EDIL3: variants seen among roughly 807,000 people sequenced by gnomAD.
EDIL3 encodes the protein EGF-like repeat and discoidin I-like domain-containing protein 3.
EDIL3 carries 37 observed loss-of-function variants against 67.4 expected under a neutral mutation model. The ratio of observed to expected loss-of-function variants is 0.55; its 90% CI spans 0.42 to 0.72. EDIL3 has a LOEUF of 0.72. Among genes scored for constraint, EDIL3 ranks in the 30% least tolerant of loss-of-function variants. EDIL3 has a pLI of 0.00. For synonymous variants in EDIL3, 195 were observed against 196.3 expected (o/e 0.99, Z 0.05); for missense variants, 527 against 586.3 (o/e 0.90, Z 1.04).
chr5:84,231,123 A>T (rs1403791399), intron 2 of EDIL3, among the ~76,000 whole-genome samples: 1 of 152,188 alleles, frequency 6.6e-6, no homozygotes, highest in Non-Finnish European at 1.5e-5. Context: ...ATATCAATGT[A>T]AGATAACATT....
chr5:84,153,617 C>T (rs1748438425), intron 4 of EDIL3, among the ~76,000 whole-genome samples: 1 of 152,078 alleles, frequency 6.6e-6, no homozygotes, highest in Non-Finnish European at 1.5e-5. Flanking sequence ...CATCTGCCAC[C>T]ATGCCCAGCT....
intron 9 of EDIL3, among the ~76,000 whole-genome samples, chr5:83,986,578 T>C (rs1426775243): frequency 6.6e-6 from 1 of 152,166 alleles, no homozygotes; most frequent in East Asian, 1.9e-4. Flanking sequence ...TTATTGAGTG[T>C]CTACTCTGTG....
chr5:84,178,903 T>G (rs1025512905), intron 4 of EDIL3, among the ~76,000 whole-genome samples: 1 of 152,226 alleles, frequency 6.6e-6, no homozygotes, highest in African/African-American at 2.4e-5. Context: ...GAAAGATTTC[T>G]TTGTGCTTTG....
intron 3 of EDIL3, among the ~76,000 whole-genome samples, chr5:84,201,575 T>C (rs1743838004): frequency 1.3e-5 from 2 of 152,072 alleles, no homozygotes; most frequent in Non-Finnish European, 2.9e-5. Context: ...CTGCTTTGTC[T>C]TACCCAGTAT....
intron 5 of EDIL3, among the ~76,000 whole-genome samples, chr5:84,126,668 T>C (rs1716187855): frequency 6.6e-6 from 1 of 152,132 alleles, no homozygotes; most frequent in Non-Finnish European, 1.5e-5. Context: ...CCTATATTTG[T>C]AGTTGATGAA....
At chr5:83,986,119 CT>C (rs1745053944) in intron 9 of EDIL3, among the ~76,000 whole-genome samples, 1 of 152,010 alleles carries the variant, frequency 6.6e-6, no homozygotes, top group African/African-American at 2.4e-5. Flanking sequence ...TTCAGCACCA[CT>C]TTTTTTAATC....
At chr5:84,355,927 G>A (rs1185443782) in intron 1 of EDIL3, among the ~76,000 whole-genome samples, 1 of 152,200 alleles carries the variant, frequency 6.6e-6, no homozygotes, top group Non-Finnish European at 1.5e-5. Flanking sequence ...GGAGATGGGA[G>A]TTTTAATTAT....
chr5:84,252,395 G>C (rs752056476), intron 2 of EDIL3, among the ~76,000 whole-genome samples: 7 of 149,952 alleles, frequency 4.7e-5, no homozygotes, highest in Non-Finnish European at 1.0e-4. Context: ...TCCGGAGGCT[G>C]AGGCAGGAGA....
chr5:84,064,133 G>C (rs1304807334), intron 8 of EDIL3, among the ~76,000 whole-genome samples: 1 of 152,034 alleles, frequency 6.6e-6, no homozygotes, highest in African/African-American at 2.4e-5. Flanking sequence ...CAATAAACAG[G>C]TTGCTAGCTA....
At chr5:84,102,275 C>A (rs2112278740) in intron 6 of EDIL3, among the ~76,000 whole-genome samples, 1 of 152,178 alleles carries the variant, frequency 6.6e-6, no homozygotes, top group Non-Finnish European at 1.5e-5. Context: ...GATGCCCTTT[C>A]TCATCACTCC....
chr5:84,057,505 T>C (rs1746470739), intron 9 of EDIL3, among the ~76,000 whole-genome samples: 1 of 152,076 alleles, frequency 6.6e-6, no homozygotes, highest in Admixed American at 6.6e-5. Flanking sequence ...TTTTAGAATA[T>C]ACAGCAATGA....
intron 6 of EDIL3, among the ~76,000 whole-genome samples, chr5:84,086,690 G>A (rs936305898): frequency 1.3e-5 from 2 of 152,060 alleles, no homozygotes; most frequent in Non-Finnish European, 2.9e-5. Flanking sequence ...GAATCTAGTC[G>A]TGAACATGGT....
intron 1 of EDIL3, among the ~76,000 whole-genome samples, chr5:84,273,617 A>G (rs1357523397): frequency 1.3e-5 from 2 of 152,228 alleles, no homozygotes; most frequent in East Asian, 3.8e-4. Context: ...GAATAGTGAG[A>G]AACACAGCAT....
At chr5:84,356,355 T>C (rs1022576896) in intron 1 of EDIL3, among the ~76,000 whole-genome samples, 1 of 152,202 alleles carries the variant, frequency 6.6e-6, no homozygotes, top group African/African-American at 2.4e-5. Flanking sequence ...ATTATCTAAG[T>C]GGGGAACATG....
intron 9 of EDIL3, among the ~76,000 whole-genome samples, chr5:84,018,237 G>A (rs1745644227): frequency 6.6e-6 from 1 of 152,096 alleles, no homozygotes; most frequent in Admixed American, 6.6e-5. Context: ...ACTACATCTA[G>A]GTGTGATTCT....
Position 83,943,300 on chromosome 5 carries a change from A to G in EDIL3, c.*119T>C. ...ACCGTTAGTTGCCTACCATAATTTG[A>G]GCACTTTTTCATGAAAAAAAAAAAA... is the stretch of plus-strand genomic sequence containing the variant. On this transcript the variant is annotated 3_prime_UTR_variant, in exon 11 of 11. Transcript: ENST00000296591. The G allele has an allele frequency of 2.1e-6, 3 of 1,398,430 alleles. No homozygotes were observed. The highest frequency in any genetic ancestry group is 2.9e-6 in the Non-Finnish European group (3 of 1,028,020). 86.6% of individuals were successfully genotyped at this position (1,398,430 alleles called of 1,614,324 possible).
chr5:84,334,832 A>G (rs1401497327), intron 1 of EDIL3, among the ~76,000 whole-genome samples: 1 of 152,194 alleles, frequency 6.6e-6, no homozygotes, highest in Non-Finnish European at 1.5e-5. Flanking sequence ...TTCTAAATAA[A>G]CATTGATGAG....
intron 1 of EDIL3, among the ~76,000 whole-genome samples, chr5:84,309,319 T>C (rs1055411643): frequency 6.6e-6 from 1 of 151,162 alleles, no homozygotes; most frequent in Non-Finnish European, 1.5e-5. Context: ...CTTTGTTTTT[T>C]TTTTTTTTTG....
At chr5:84,150,923 A>G (rs1748378045) in intron 4 of EDIL3, among the ~76,000 whole-genome samples, 1 of 152,130 alleles carries the variant, frequency 6.6e-6, no homozygotes, top group South Asian at 2.1e-4. Context: ...GGCAAAAATA[A>G]TATACAGTGT....
Sources: gnomAD v4.1 joint callset for allele counts (sites outside exome capture counted in the v4.1 genomes callset) on GRCh38, gnomAD v4.1.1 for gene constraint, MANE v1.5 for transcripts, NCBI Gene and HGNC (gene_info 2026-07-23, HGNC 2026-07-21) for gene names.